The following CUX1 variants were observed in gnomAD, a reference collection of about 807,000 sequenced individuals.
CUX1 encodes the protein protein CASP.
CUX1 carries 31 observed loss-of-function variants against 158.8 expected under a neutral mutation model. The observed-to-expected ratio is 0.20, with a 90% CI of 0.15 to 0.26. The LOEUF (loss-of-function observed/expected upper bound fraction) is 0.26. Among genes scored for constraint, CUX1 ranks in the 10% least tolerant of loss-of-function variants. The pLI is 1.00. For synonymous variants in CUX1, 879 were observed against 862.1 expected (o/e 1.02, Z -0.34); for missense variants, 1,589 against 2,014.6 (o/e 0.79, Z 4.04).
chr7:102,022,440 A>C (rs1400677124), intron 2 of CUX1, among the ~76,000 whole-genome samples: 2 of 152,098 alleles, frequency 1.3e-5, no homozygotes, highest in African/African-American at 2.4e-5. Flanking sequence ...CAACATGGCG[A>C]AACCCCGTCT....
At chr7:101,824,921 C>T (rs992555948) in intron 1 of CUX1, among the ~76,000 whole-genome samples, 1 of 152,214 alleles carries the variant, frequency 6.6e-6, no homozygotes, top group African/African-American at 2.4e-5. Context: ...GCTCCCGTCA[C>T]CATTTCTGTG....
chr7:102,263,187 T>C (rs908753390), downstream of CUX1, among the ~76,000 whole-genome samples: 1 of 149,536 alleles, frequency 6.7e-6, no homozygotes, highest in Non-Finnish European at 1.5e-5. Flanking sequence ...CTAATTTTTG[T>C]ATTTTTAGTA....
rs76686227 is a variant in CUX1 at position 101,996,904 on chromosome 7, C to T, written c.142-31194C>T. ...TCGTGTCCCCTCCAGTATTCCTGCCCACAGTGGCCTTTGTTAGGAAATTCC... is the reference window on the plus strand; with the variant it reads ...TCGTGTCCCCTCCAGTATTCCTGCCTACAGTGGCCTTTGTTAGGAAATTCC... On this transcript the variant is annotated intron_variant, in intron 2 of 23. Transcript: ENST00000292535. Among the ~76,000 whole-genome samples the T allele has an allele frequency of 1.2e-3, 188 of 152,180 alleles. 2 individuals are homozygous for T. Among genetic ancestry groups the T allele is most frequent in the Admixed American group, 9.0e-3 (138 of 15,292 alleles).
chr7:101,902,235 T>C (rs932518923), intron 1 of CUX1, among the ~76,000 whole-genome samples: 1 of 152,192 alleles, frequency 6.6e-6, no homozygotes, highest in African/African-American at 2.4e-5. Flanking sequence ...TCTCCTGCTA[T>C]GATTTCGACA....
chr7:102,040,279 A>T (rs1313042459), intron 3 of CUX1, among the ~76,000 whole-genome samples: 4 of 152,140 alleles, frequency 2.6e-5, no homozygotes, highest in Non-Finnish European at 5.9e-5. Flanking sequence ...TCCAGGGAGG[A>T]TGACGGAACA....
chr7:101,883,820 T>C (rs11768613), intron 1 of CUX1, among the ~76,000 whole-genome samples: 27,368 of 152,086 alleles, frequency 0.18, 2,622 homozygotes, highest in Middle Eastern at 0.34. Flanking sequence ...GGTCTTGAAC[T>C]CTTGACCTCA....
chr7:102,048,469 G>A (rs1391951068), intron 3 of CUX1, among the ~76,000 whole-genome samples: 3 of 152,024 alleles, frequency 2.0e-5, no homozygotes, highest in African/African-American at 7.2e-5. Flanking sequence ...GTTTGAACTC[G>A]GTCTAATATT....
intron 18 of CUX1, 38 bp from the exon 19 acceptor site, chr7:102,204,353 C>A (rs368784759): frequency 7.7e-5 from 124 of 1,607,792 alleles, no homozygotes; most frequent in Non-Finnish European, 8.1e-5. Context: ...ATGCTAATAG[C>A]CAGGCACTGA....
intron 1 of CUX1, among the ~76,000 whole-genome samples, chr7:101,818,104 CTA>C (rs1282693429): frequency 4.6e-5 from 7 of 152,180 alleles, no homozygotes; most frequent in Admixed American, 4.6e-4. Flanking sequence ...AGGAAGAAGA[CTA>C]TGCGAAATAT....
chr7:102,028,709 T>C (rs1234525288), intron 3 of CUX1, among the ~76,000 whole-genome samples: 1 of 152,196 alleles, frequency 6.6e-6, no homozygotes, highest in Non-Finnish European at 1.5e-5. Flanking sequence ...GGGTGGCAAG[T>C]CACCTGGGAC....
chr7:102,059,683 G>C (rs920068645), intron 3 of CUX1, among the ~76,000 whole-genome samples: 1 of 151,158 alleles, frequency 6.6e-6, no homozygotes, highest in Non-Finnish European at 1.5e-5. Context: ...GCCTGCGTAC[G>C]TGTCTGTTTT....
chr7:101,902,457 T>C (rs1417537322), intron 1 of CUX1, among the ~76,000 whole-genome samples: 2 of 152,224 alleles, frequency 1.3e-5, no homozygotes, highest in Non-Finnish European at 2.9e-5. Flanking sequence ...CCTTGAAGTA[T>C]GGCAGCTGGA....
chr7:101,999,885 C>CGTGT (rs1018568928), intron 2 of CUX1, among the ~76,000 whole-genome samples: 3 of 151,678 alleles, frequency 2.0e-5, no homozygotes, highest in Non-Finnish European at 4.4e-5. Flanking sequence ...GGCATGCGTG[C>CGTGT]GTGTGTGTGT....
At chr7:102,028,889 A>C (rs570277384) in intron 3 of CUX1, among the ~76,000 whole-genome samples, 1 of 152,012 alleles carries the variant, frequency 6.6e-6, no homozygotes, top group Non-Finnish European at 1.5e-5. Flanking sequence ...GCTTCTCCCG[A>C]CGGAAAAACA....
rs879990969 is a variant in CUX1 at position 102,256,105 on chromosome 7, G to A, written c.*7063G>A. ...CCTGCCTCTTGGTGACCACTGTGCTGGGCGTGCAGGGCCCGCGGGCTCTGG... is the reference window on the plus strand; with the variant it reads ...CCTGCCTCTTGGTGACCACTGTGCTAGGCGTGCAGGGCCCGCGGGCTCTGG... On this transcript the variant is annotated 3_prime_UTR_variant, in exon 24 of 24. Transcript: ENST00000292535. 1.0e-6 allele frequency: 1 copy of A among 985,324 alleles called. No individual in the cohort carries two copies. Among genetic ancestry groups the A allele is most frequent in the East Asian group, 1.1e-4 (1 of 8,820 alleles). 61.0% of individuals were successfully genotyped at this position (985,324 alleles called of 1,614,324 possible). A position where few individuals can be genotyped will look rare whatever the true frequency, so the allele number is the denominator to read the frequency against.
intron 10 of CUX1, among the ~76,000 whole-genome samples, chr7:102,171,875 T>C: frequency 6.6e-6 from 1 of 152,220 alleles, no homozygotes; most frequent in South Asian, 2.1e-4. Context: ...AAGGTTACAA[T>C]GAGTACATAT....
At chr7:102,145,871 TG>T (rs1275158546) in intron 8 of CUX1, among the ~76,000 whole-genome samples, 1 of 152,112 alleles carries the variant, frequency 6.6e-6, no homozygotes, top group African/African-American at 2.4e-5. Context: ...TGCTTGAACC[TG>T]GGAGGCAGAG....
chr7:102,149,783 G>A (rs1378769158), intron 8 of CUX1, among the ~76,000 whole-genome samples: 3 of 152,022 alleles, frequency 2.0e-5, no homozygotes, highest in South Asian at 2.1e-4. Flanking sequence ...TTGACCCCCC[G>A]AGTTAAGGGG....
chr7:101,843,518 G>A (rs1022185139), intron 1 of CUX1, among the ~76,000 whole-genome samples: 1 of 151,328 alleles, frequency 6.6e-6, no homozygotes, highest in African/African-American at 2.4e-5. Flanking sequence ...TCAGAATTGT[G>A]ATTATTCTTA....
Sources: gnomAD v4.1 joint callset for allele counts (sites outside exome capture counted in the v4.1 genomes callset) on GRCh38, gnomAD v4.1.1 for gene constraint, MANE v1.5 for transcripts, NCBI Gene and HGNC (gene_info 2026-07-23, HGNC 2026-07-21) for gene names.